Variants in ULK4 observed in about 807,000 individuals in gnomAD.
The protein encoded by ULK4 is unc-51 like kinase 4, also known as inactive serine/threonine-protein kinase ULK4.
A neutral mutation model predicts 160.6 loss-of-function variants in ULK4; 133 were observed. The ratio of observed to expected loss-of-function variants is 0.83; its 90% CI spans 0.72 to 0.96. The LOEUF (loss-of-function observed/expected upper bound fraction) is 0.96, where lower values mean the gene tolerates loss of function less well. Ranked by LOEUF, ULK4 falls within the 40% of genes least tolerant of loss-of-function variation. The pLI, the probability that ULK4 is intolerant of heterozygous loss-of-function variation, is 0.00. For synonymous variants in ULK4, 534 were observed against 539.8 expected (o/e 0.99, Z 0.15); for missense variants, 1,580 against 1,499.5 (o/e 1.05, Z -0.89).
intron 4 of ULK4, 137 bp from the exon 5 acceptor site, chr3:41,932,143 A>T: frequency 1.4e-6 from 1 of 725,342 alleles, no homozygotes; most frequent in South Asian, 3.4e-5. Context: ...AATGCTTATA[A>T]TTTTTTTAAA....
intron 35 of ULK4, among the ~76,000 whole-genome samples, chr3:41,283,791 A>G (rs779348014): frequency 1.0e-3 from 155 of 151,780 alleles, no homozygotes; most frequent in African/African-American, 3.5e-3. Flanking sequence ...CAAACAAACA[A>G]ACAGACAAAA....
intron 32 of ULK4, among the ~76,000 whole-genome samples, chr3:41,488,079 G>A (rs2084607402): frequency 6.6e-6 from 1 of 152,120 alleles, no homozygotes; most frequent in South Asian, 2.1e-4. Flanking sequence ...AAAAGATGAA[G>A]TAGAAATACA....
intron 2 of ULK4, among the ~76,000 whole-genome samples, chr3:41,953,138 A>G (rs564312204): frequency 6.6e-6 from 1 of 152,118 alleles, no homozygotes; most frequent in African/African-American, 2.4e-5. Context: ...CTGCACAGCA[A>G]TATGAATGTA....
At chr3:41,562,374 G>C (rs900206537) in intron 32 of ULK4, among the ~76,000 whole-genome samples, 3 of 152,126 alleles carry the variant, frequency 2.0e-5, no homozygotes, top group South Asian at 2.1e-4. Context: ...ATGTCTATTA[G>C]GTCCACTTGG....
At chr3:41,715,088 C>T in intron 25 of ULK4, 149 bp downstream of exon 25, 4 of 761,340 alleles carry the variant, frequency 5.3e-6, no homozygotes, top group Non-Finnish European at 8.4e-6. Context: ...TTATTACAGT[C>T]AACAGATAAA....
At chr3:41,457,373 C>T (rs914558093) in intron 33 of ULK4, among the ~76,000 whole-genome samples, 3 of 152,126 alleles carry the variant, frequency 2.0e-5, no homozygotes, top group Admixed American at 6.6e-5. Context: ...ACGTCATAGT[C>T]GCCAAGAAAC....
At chr3:41,616,603 A>G (rs1284141876) in intron 30 of ULK4, among the ~76,000 whole-genome samples, 1 of 152,174 alleles carries the variant, frequency 6.6e-6, no homozygotes, top group Non-Finnish European at 1.5e-5. Flanking sequence ...CGGCCTGGTT[A>G]CTACGCTTTT....
chr3:41,889,024 A>C (rs1354772119), intron 16 of ULK4, among the ~76,000 whole-genome samples: 1 of 152,186 alleles, frequency 6.6e-6, no homozygotes, highest in Non-Finnish European at 1.5e-5. Flanking sequence ...ATTTATTCAT[A>C]ATATAAACTA....
At chr3:41,331,983 T>C (rs576447414) in intron 35 of ULK4, among the ~76,000 whole-genome samples, 22 of 152,334 alleles carry the variant, frequency 1.4e-4, no homozygotes, top group Non-Finnish European at 3.1e-4. Flanking sequence ...CTGACTATCT[T>C]CCAAAGCTTT....
intron 35 of ULK4, among the ~76,000 whole-genome samples, chr3:41,265,314 C>T (rs915592654): frequency 3.9e-5 from 6 of 152,218 alleles, no homozygotes; most frequent in African/African-American, 1.2e-4. Context: ...ACCGTCACCT[C>T]GGGCCCTTGC....
chr3:41,356,969 G>A (rs947229071), intron 35 of ULK4, among the ~76,000 whole-genome samples: 11 of 152,186 alleles, frequency 7.2e-5, no homozygotes, highest in Admixed American at 2.6e-4. Context: ...TCTGAGGAAG[G>A]CAAAAGGTAT....
At chr3:41,918,088 G>A (rs1277742374) in intron 7 of ULK4, among the ~76,000 whole-genome samples, 2 of 152,116 alleles carry the variant, frequency 1.3e-5, no homozygotes, top group African/African-American at 2.4e-5. Flanking sequence ...TAAGGAAATG[G>A]TGAATTTGTT....
intron 21 of ULK4, among the ~76,000 whole-genome samples, chr3:41,758,704 T>A (rs1449351643): frequency 6.6e-6 from 1 of 151,990 alleles, no homozygotes; most frequent in African/African-American, 2.4e-5. Context: ...AAACCCCGTC[T>A]CTACCAAAAA....
intron 35 of ULK4, among the ~76,000 whole-genome samples, chr3:41,324,959 A>G (rs2080313139): frequency 1.3e-5 from 2 of 152,204 alleles, no homozygotes; most frequent in South Asian, 4.1e-4. Flanking sequence ...GAGAGTAAAA[A>G]CAAATGACCA....
At chr3:41,655,382 TG>T (rs1490383856) in intron 30 of ULK4, among the ~76,000 whole-genome samples, 3 of 25,240 alleles carry the variant, frequency 1.2e-4, no homozygotes, top group Non-Finnish European at 2.2e-4. Flanking sequence ...TGTTGTGGGG[TG>T]GGGGGAGGGG....
chr3:41,655,142 C>T, intron 30 of ULK4, among the ~76,000 whole-genome samples: 1 of 150,280 alleles, frequency 6.7e-6, no homozygotes, highest in South Asian at 2.1e-4. Context: ...GATGCCATCT[C>T]TACAAAAAAA....
chr3:41,582,956 T>G (rs1366800944), intron 31 of ULK4, among the ~76,000 whole-genome samples: 1 of 152,242 alleles, frequency 6.6e-6, no homozygotes, highest in African/African-American at 2.4e-5. Context: ...TTTTCAACTT[T>G]AGAATCAAAC....
rs376773321 is a variant in ULK4 at position 41,856,512 on chromosome 3, A to AATATAT, written c.1657-20547_1657-20542dup. ...GGACACATTAATAAATAAATAAATA[A>AATATAT]ATATATATATATATATATATGTATG... On this transcript the variant is annotated intron_variant, in intron 17 of 36. Coordinates refer to ENST00000301831, the MANE Select transcript of ULK4 (RefSeq NM_017886.4). Among the ~76,000 whole-genome samples, 107 of 99,182 alleles carry AATATAT rather than the reference A, an allele frequency of 1.1e-3. 1 individual carries two copies. The Middle Eastern group carries it at 0.017, about 16-fold the overall frequency. 65.1% of individuals were successfully genotyped at this position (99,182 alleles called of 152,430 possible). A position where few individuals can be genotyped will look rare whatever the true frequency, so the allele number is the denominator to read the frequency against.
At chr3:41,833,113 T>C (rs929773530) in intron 18 of ULK4, among the ~76,000 whole-genome samples, 1 of 152,188 alleles carries the variant, frequency 6.6e-6, no homozygotes, top group Non-Finnish European at 1.5e-5. Context: ...ATCTATAAAC[T>C]ACTTTGGGCA....
Sources: gnomAD v4.1 joint callset for allele counts (sites outside exome capture counted in the v4.1 genomes callset) on GRCh38, gnomAD v4.1.1 for gene constraint, MANE v1.5 for transcripts, NCBI Gene and HGNC (gene_info 2026-07-23, HGNC 2026-07-21) for gene names.